Variants in TNPO1 observed in about 807,000 individuals in gnomAD.
The protein encoded by TNPO1 is transportin 1.
TNPO1 carries 8 observed loss-of-function variants against 119.5 expected under a neutral mutation model. The observed-to-expected ratio is 0.07, with a 90% CI of 0.04 to 0.12. TNPO1 has a LOEUF of 0.12. TNPO1 is among the 10% of genes least tolerant of loss of function. The pLI is 1.00. For missense variants in TNPO1, 576 were observed against 1,089.8 expected (o/e 0.53, Z 6.64); for synonymous variants, 362 against 363.0 (o/e 1.00, Z 0.03).
At chr5:72,860,248 T>C (rs934974015) in intron 4 of TNPO1, among the ~76,000 whole-genome samples, 1 of 152,204 alleles carries the variant, frequency 6.6e-6, no homozygotes, top group African/African-American at 2.4e-5. Context: ...ATATATCCAA[T>C]TGAATTTTCA....
intron 10 of TNPO1, 55 bp downstream of exon 10, chr5:72,882,582 A>G (rs1748324120): frequency 3.0e-6 from 4 of 1,318,250 alleles, no homozygotes; most frequent in Non-Finnish European, 4.3e-6. Context: ...GACTTAGTAC[A>G]TCTTTGGATT....
chr5:72,851,125 T>G, intron 2 of TNPO1, 119 bp from the exon 3 acceptor site: 1 of 598,564 alleles, frequency 1.7e-6, no homozygotes, highest in Non-Finnish European at 3.0e-6. Context: ...ATTCTTAGTT[T>G]AAAAAAAAAA....
chr5:72,868,026 C>T (rs1216014958), intron 6 of TNPO1, among the ~76,000 whole-genome samples: 1 of 152,096 alleles, frequency 6.6e-6, no homozygotes. Context: ...GTTATTTGTA[C>T]TCCATTGATT....
chr5:72,828,718 T>C (rs1744316326), intron 1 of TNPO1, among the ~76,000 whole-genome samples: 1 of 45,810 alleles, frequency 2.2e-5, no homozygotes. Context: ...TAACATCTTT[T>C]GTAGCATTTT....
At chr5:72,826,047 C>T (rs1350613347) in intron 1 of TNPO1, among the ~76,000 whole-genome samples, 1 of 152,090 alleles carries the variant, frequency 6.6e-6, no homozygotes, top group Admixed American at 6.5e-5. Flanking sequence ...TATGTCTGTC[C>T]TGTTCCTACT....
At chr5:72,861,391 T>C (rs144003828) in intron 4 of TNPO1, among the ~76,000 whole-genome samples, 1 of 152,248 alleles carries the variant, frequency 6.6e-6, no homozygotes, top group Non-Finnish European at 1.5e-5. Context: ...AATGGTGATA[T>C]GGGTGTTGGT....
Position 72,890,957 on chromosome 5 carries a change from G to A in TNPO1, c.1702-853G>A, listed in dbSNP as rs191906197. ...CAACCTCCACCTCCCGGGCTCAAGC[G>A]ATCCTCCCATTTCAGCCTCCCCTGT... On this transcript the variant is annotated intron_variant, in intron 14 of 24. Transcript: ENST00000337273. 3.2e-3 allele frequency among the ~76,000 whole-genome samples: 481 copies of A among 152,024 alleles called. 5 individuals carry two copies. The highest frequency in any genetic ancestry group is 5.6e-3 in the Non-Finnish European group (380 of 67,970).
intron 6 of TNPO1, 44 bp downstream of exon 6, chr5:72,865,773 C>A (rs768859142): frequency 5.1e-6 from 8 of 1,556,094 alleles, no homozygotes; most frequent in Non-Finnish European, 7.0e-6. Flanking sequence ...TGATATAAAC[C>A]TGACCATTAT....
chr5:72,876,489 T>A (rs1291286314), intron 8 of TNPO1, among the ~76,000 whole-genome samples: 1 of 152,216 alleles, frequency 6.6e-6, no homozygotes, highest in East Asian at 1.9e-4. Flanking sequence ...TCACTACTAC[T>A]TCCCAAATGA....
At chr5:72,829,875 A>G (rs1365641552) in intron 1 of TNPO1, among the ~76,000 whole-genome samples, 1 of 152,140 alleles carries the variant, frequency 6.6e-6, no homozygotes, top group Admixed American at 6.5e-5. Context: ...AGTTAGTCCT[A>G]AAGCCCCATG....
At chr5:72,905,040 C>T (rs149558142) in intron 23 of TNPO1, among the ~76,000 whole-genome samples, 1 of 152,224 alleles carries the variant, frequency 6.6e-6, no homozygotes, top group East Asian at 1.9e-4. Flanking sequence ...GGAAAAACTA[C>T]CCCTATGATT....
intron 1 of TNPO1, among the ~76,000 whole-genome samples, chr5:72,834,126 C>T (rs1037926779): frequency 6.6e-6 from 1 of 152,088 alleles, no homozygotes; most frequent in Non-Finnish European, 1.5e-5. Flanking sequence ...ATTACTCACT[C>T]ATATGTCTGC....
Position 72,883,089 on chromosome 5 carries a change from T to C in TNPO1, c.1007T>C (p.Ile336Thr). ...LKGDVEEDETIPDSEQDIRPR... is the reference protein window; with the variant it reads ...LKGDVEEDETTPDSEQDIRPR... ...GGTGATGTTGAAGAAGACGAAACGA[T>C]TCCTGATAGTGAACAGGATATACGG... Residue 336 changes from isoleucine to threonine, a missense_variant, in exon 11 of 25, where the codon ATT becomes ACT. By Grantham distance (89) the Ile-to-Thr change is moderately conservative. Coordinates refer to ENST00000337273, the MANE Select transcript of TNPO1 (RefSeq NM_002270.4). 1 of 1,613,318 alleles carries C rather than the reference T, an allele frequency of 6.2e-7. No individual in the cohort carries two copies. The highest frequency in any genetic ancestry group is 8.5e-7 in the Non-Finnish European group (1 of 1,179,826).
At chr5:72,832,458 T>G (rs1744516177) in intron 1 of TNPO1, among the ~76,000 whole-genome samples, 1 of 152,172 alleles carries the variant, frequency 6.6e-6, no homozygotes, top group Non-Finnish European at 1.5e-5. Flanking sequence ...TGGAATATTT[T>G]AGGAGCTCTC....
intron 11 of TNPO1, 141 bp from the exon 12 acceptor site, chr5:72,886,929 G>A (rs542160613): frequency 3.8e-5 from 20 of 529,866 alleles, no homozygotes; most frequent in Admixed American, 3.5e-4. Context: ...ATGTTTTCAC[G>A]TGACAAACTA....
chr5:72,893,748 A>G (rs769852219), intron 18 of TNPO1, 45 bp downstream of exon 18: 3 of 1,520,940 alleles, frequency 2.0e-6, no homozygotes, highest in African/African-American at 2.8e-5. Flanking sequence ...TTTAAAGTTA[A>G]CATTTACATC....
chr5:72,860,634 G>T (rs906998623), intron 4 of TNPO1, among the ~76,000 whole-genome samples: 1 of 152,242 alleles, frequency 6.6e-6, no homozygotes, highest in Non-Finnish European at 1.5e-5. Flanking sequence ...TCTTGATCCA[G>T]TAAGTGGGAA....
chr5:72,865,533 C>T, intron 5 of TNPO1, 63 bp from the exon 6 acceptor site: 1 of 1,541,692 alleles, frequency 6.5e-7, no homozygotes, highest in Non-Finnish European at 8.9e-7. Context: ...CAGCATTCTT[C>T]AGTTTGTTTT....
Position 72,887,104 on chromosome 5 carries a change from A to G in TNPO1, c.1185A>G (p.Ala395=). ...CTGCTGCTGCCCTGGATGTTCTTGC[A>G]AATGTGTATCGTGATGAACTGCTGC... is the stretch of plus-strand genomic sequence containing the variant. ...KCSAAALDVL[A]NVYRDELLPH... is the part of the protein sequence containing the mutation. Residue 395 remains alanine, a synonymous_variant, in exon 12 of 25, where the codon GCA becomes GCG. Coordinates refer to ENST00000337273, the MANE Select transcript of TNPO1 (RefSeq NM_002270.4). 1 of 1,613,056 alleles carries G rather than the reference A, an allele frequency of 6.2e-7. No homozygotes were observed. The highest frequency in any genetic ancestry group is 8.5e-7 in the Non-Finnish European group (1 of 1,179,358).
Sources: allele counts gnomAD v4.1 joint callset (sites outside exome capture counted in the v4.1 genomes callset), GRCh38; gene constraint gnomAD v4.1.1; transcripts MANE v1.5; gene names NCBI Gene and HGNC (gene_info 2026-07-23, HGNC 2026-07-21).